The following ERC1 variants were observed in gnomAD, a reference collection of about 807,000 sequenced individuals.
The protein encoded by ERC1 is RAB6 interacting protein 2.
Under a neutral mutation model 132.0 loss-of-function variants are expected in ERC1, and 56 were observed. The observed-to-expected ratio is 0.42, with a 90% CI of 0.34 to 0.53. The LOEUF (loss-of-function observed/expected upper bound fraction) is 0.53, where lower values mean the gene tolerates loss of function less well. ERC1 is among the 20% of genes least tolerant of loss of function. The pLI, the probability that ERC1 is intolerant of heterozygous loss-of-function variation, is 0.03. For missense variants in ERC1, 1,202 were observed against 1,349.9 expected, an observed-to-expected ratio of 0.89 and a Z score of 1.72; for synonymous variants, 478 against 476.1, an observed-to-expected ratio of 1.00 and a Z score of -0.05.
At chr12:1,324,140 A>G (rs1441988892) in intron 15 of ERC1, among the ~76,000 whole-genome samples, 2 of 152,222 alleles carry the variant, frequency 1.3e-5, no homozygotes, top group South Asian at 2.1e-4. Flanking sequence ...GATCTGATAA[A>G]TTACAATGAG....
intron 18 of ERC1, among the ~76,000 whole-genome samples, chr12:1,459,855 A>G (rs1449214455): frequency 6.6e-6 from 1 of 152,244 alleles, no homozygotes; most frequent in Non-Finnish European, 1.5e-5. Context: ...ACAGAGAAGA[A>G]CACAGGTGGT....
intron 15 of ERC1, among the ~76,000 whole-genome samples, chr12:1,314,450 G>A (rs2081544694): frequency 6.6e-6 from 1 of 152,198 alleles, no homozygotes. Context: ...AAGTATTTGA[G>A]TGTAAAGATA....
chr12:1,339,517 G>A (rs552272621), intron 15 of ERC1, among the ~76,000 whole-genome samples: 191 of 149,958 alleles, frequency 1.3e-3, no homozygotes, highest in African/African-American at 4.3e-3. Context: ...GCAGGTGCCC[G>A]GGTGCCCGCC....
chr12:1,021,260 C>A (rs937543308), intron 1 of ERC1, among the ~76,000 whole-genome samples: 2 of 151,748 alleles, frequency 1.3e-5, no homozygotes, highest in African/African-American at 4.8e-5. Flanking sequence ...ATTTCATATA[C>A]ACCCTGTTGA....
intron 3 of ERC1, 65 bp from the exon 4 acceptor site, chr12:1,104,685 T>A: frequency 1.7e-6 from 2 of 1,148,944 alleles, no homozygotes; most frequent in Admixed American, 3.4e-5. Context: ...CGGCTCTCAC[T>A]CCTCTTTGAA....
At chr12:1,367,447 C>G (rs549781397) in intron 15 of ERC1, among the ~76,000 whole-genome samples, 12 of 152,312 alleles carry the variant, frequency 7.9e-5, no homozygotes, top group African/African-American at 2.9e-4. Flanking sequence ...GCCCTTCATT[C>G]ATACTCCTCT....
chr12:1,422,339 G>A lies in ERC1; in HGVS notation c.3024+14092G>A, dbSNP rs529122265. Reference sequence around the variant, plus strand: ...ATTTTATATTCATTAACCCACCCCTGGCTTTCCCCTTCCCCCTACCCTTCC... The same window carrying A: ...ATTTTATATTCATTAACCCACCCCTAGCTTTCCCCTTCCCCCTACCCTTCC... On this transcript the variant is annotated intron_variant, in intron 17 of 18. Transcript: ENST00000360905. 4.6e-5 allele frequency among the ~76,000 whole-genome samples: 7 copies of A among 151,858 alleles called. No individual in the cohort carries two copies. The South Asian group carries it at 1.5e-3, about 32-fold the overall frequency.
At chr12:1,218,695 T>C (rs917643341) in intron 12 of ERC1, among the ~76,000 whole-genome samples, 25 of 152,202 alleles carry the variant, frequency 1.6e-4, no homozygotes, top group African/African-American at 5.8e-4. Flanking sequence ...TGTTTTCTTC[T>C]GGTATCTCTG....
chr12:1,340,490 T>C (rs1009987968), intron 15 of ERC1, among the ~76,000 whole-genome samples: 1 of 152,124 alleles, frequency 6.6e-6, no homozygotes, highest in African/African-American at 2.4e-5. Context: ...TGAGGGGTCA[T>C]CTTCTGCTGG....
intron 12 of ERC1, among the ~76,000 whole-genome samples, chr12:1,222,542 A>G (rs1959089664): frequency 6.6e-6 from 1 of 152,112 alleles, no homozygotes; most frequent in Non-Finnish European, 1.5e-5. Context: ...ACATTTTATA[A>G]ATATTATAGA....
Position 1,198,275 on chromosome 12 carries a change from A to G in ERC1, c.2351+8223A>G, listed in dbSNP as rs1267028849. On this transcript the variant is annotated intron_variant, in intron 12 of 18. Transcript: ENST00000360905. ...TTTGGTCTTTCCATGTTCGAAGCCAATATTAAATGATAGTAGCTTGGGAGG... is the reference window on the plus strand; with the variant it reads ...TTTGGTCTTTCCATGTTCGAAGCCAGTATTAAATGATAGTAGCTTGGGAGG... Among the ~76,000 whole-genome samples, 4 of 152,328 alleles carry G rather than the reference A, an allele frequency of 2.6e-5. No homozygotes were observed. In the South Asian group the frequency reaches 6.2e-4, roughly 24 times the overall value.
At chr12:1,251,504 A>G (rs913130859) in intron 13 of ERC1, among the ~76,000 whole-genome samples, 2 of 152,166 alleles carry the variant, frequency 1.3e-5, no homozygotes, top group Non-Finnish European at 2.9e-5. Flanking sequence ...AAAAGTGTGC[A>G]TATAAATCAG....
At position 1,229,727 on chromosome 12, in the gene ERC1, A is replaced by G. The variant is rs559086692; in HGVS notation, c.2352-7042A>G. ...AGTTATTCTAGCTCAAAGCTTGTCA[A>G]TTTTGATTATCTTTTGACAAACAAC... On this transcript the variant is annotated intron_variant, in intron 12 of 18. Transcript: ENST00000360905. 6.6e-5 allele frequency among the ~76,000 whole-genome samples: 10 copies of G among 152,076 alleles called. No individual in the cohort carries two copies. In the South Asian group the frequency reaches 1.7e-3, roughly 25 times the overall value.
intron 15 of ERC1, among the ~76,000 whole-genome samples, chr12:1,326,768 C>T (rs922065919): frequency 1.3e-5 from 2 of 152,156 alleles, no homozygotes; most frequent in Non-Finnish European, 2.9e-5. Context: ...TATTATTTCT[C>T]CCTCTTGGAA....
chr12:1,397,761 A>G (rs2090662153), intron 16 of ERC1, among the ~76,000 whole-genome samples: 1 of 152,234 alleles, frequency 6.6e-6, no homozygotes, highest in African/African-American at 2.4e-5. Context: ...CTAGTTATAT[A>G]GTTTTGACTC....
intron 12 of ERC1, among the ~76,000 whole-genome samples, chr12:1,209,689 A>G (rs1335514217): frequency 1.3e-5 from 2 of 152,144 alleles, no homozygotes; most frequent in East Asian, 1.9e-4. Context: ...TATTTGATGG[A>G]TTTGGTTGGG....
chr12:1,326,758 T>C (rs2082471825), intron 15 of ERC1, among the ~76,000 whole-genome samples: 1 of 152,208 alleles, frequency 6.6e-6, no homozygotes, highest in Non-Finnish European at 1.5e-5. Flanking sequence ...ATTTTAAACT[T>C]ATTATTTCTC....
intron 12 of ERC1, among the ~76,000 whole-genome samples, chr12:1,221,790 A>G (rs1594329178): frequency 6.6e-6 from 1 of 152,174 alleles, no homozygotes; most frequent in Non-Finnish European, 1.5e-5. Flanking sequence ...CTTAATTTTT[A>G]TGTTAACTGT....
intron 13 of ERC1, among the ~76,000 whole-genome samples, chr12:1,246,824 A>T (rs1447687663): frequency 2.0e-5 from 3 of 152,208 alleles, no homozygotes; most frequent in Admixed American, 2.0e-4. Flanking sequence ...ATTCTGGGAC[A>T]TTTTACGACA....
Sources: gnomAD v4.1 joint callset for allele counts (sites outside exome capture counted in the v4.1 genomes callset) on GRCh38, gnomAD v4.1.1 for gene constraint, MANE v1.5 for transcripts, NCBI Gene and HGNC (gene_info 2026-07-23, HGNC 2026-07-21) for gene names.